The following RHBDD1 variants were observed in gnomAD, a reference collection of about 807,000 sequenced individuals.
RHBDD1 encodes rhomboid domain containing 1.
A neutral mutation model predicts 36.3 loss-of-function variants in RHBDD1; 38 were observed. The observed-to-expected ratio is 1.05, with a 90% CI of 0.81 to 1.37. The LOEUF is 1.37. RHBDD1 is among the 40% of genes most tolerant of loss of function. The pLI is 0.00. For synonymous variants in RHBDD1, 151 were observed against 136.5 expected (o/e 1.11, Z -0.74); for missense variants, 393 against 377.6 (o/e 1.04, Z -0.34).
the RHBDD1 span, among the ~76,000 whole-genome samples, chr2:226,821,053 C>A: frequency 0.18 from 27,306 of 151,966 alleles, 3,899 homozygotes; most frequent in African/African-American, 0.4. Flanking sequence ...TTTTTTCCAC[C>A]CAAAGCAGAA....
intron 8 of RHBDD1, among the ~76,000 whole-genome samples, chr2:226,972,606 G>A (rs1156979566): frequency 2.0e-5 from 3 of 152,180 alleles, no homozygotes; most frequent in African/African-American, 7.2e-5. Context: ...TCTGGGTCAA[G>A]GCAGGAGCTG....
At chr2:226,951,710 A>G (rs751231226) in intron 8 of RHBDD1, among the ~76,000 whole-genome samples, 1 of 152,246 alleles carries the variant, frequency 6.6e-6, no homozygotes, top group Non-Finnish European at 1.5e-5. Context: ...GAATTTAAAG[A>G]TGATGTTAAG....
intron 5 of RHBDD1, among the ~76,000 whole-genome samples, chr2:226,874,125 C>T (rs1237186342): frequency 6.6e-6 from 1 of 152,050 alleles, no homozygotes; most frequent in Non-Finnish European, 1.5e-5. Flanking sequence ...ACCCATGTTC[C>T]ACTCACCTCC....
At chr2:226,879,187 T>C (rs549371263) in intron 5 of RHBDD1, among the ~76,000 whole-genome samples, 12 of 152,290 alleles carry the variant, frequency 7.9e-5, no homozygotes, top group African/African-American at 2.9e-4. Context: ...GGGTGAAGTC[T>C]AAAATAAGTT....
intron 5 of RHBDD1, among the ~76,000 whole-genome samples, chr2:226,906,360 G>A (rs1028521963): frequency 5.9e-5 from 9 of 152,160 alleles, no homozygotes; most frequent in African/African-American, 2.2e-4. Context: ...GAAAACTGCA[G>A]CAGTCTGCCC....
At chr2:226,894,499 G>A (rs908723048) in intron 5 of RHBDD1, among the ~76,000 whole-genome samples, 4 of 152,180 alleles carry the variant, frequency 2.6e-5, no homozygotes, top group African/African-American at 9.7e-5. Context: ...TCGATCTCCT[G>A]ATGTCAAGTG....
intron 8 of RHBDD1, among the ~76,000 whole-genome samples, chr2:226,973,401 G>A (rs1185078828): frequency 6.6e-6 from 1 of 152,174 alleles, no homozygotes; most frequent in East Asian, 1.9e-4. Flanking sequence ...CTCATTATCT[G>A]GGAAAGTTGG....
intron 8 of RHBDD1, among the ~76,000 whole-genome samples, chr2:226,979,299 C>T (rs1002532616): frequency 1.3e-5 from 2 of 152,098 alleles, no homozygotes; most frequent in Non-Finnish European, 2.9e-5. Flanking sequence ...AAAGATAAGG[C>T]TTATGGACAC....
In RHBDD1 at chr2:226,998,441, C is replaced by G. The variant is rs141124889; in HGVS notation, c.*2919C>G. 2.0e-5 allele frequency: 3 copies of G among 152,288 alleles called. No homozygotes were observed. The highest frequency in any genetic ancestry group is 7.2e-5 in the African/African-American group (3 of 41,570). 9.4% of individuals were successfully genotyped at this position (152,288 alleles called of 1,614,324 possible). ...AGAATGGGGTAGCTGGCAGACCTGG[C>G]CTCCTTGTTCCCAGTCTTAGTTTTT... is the stretch of plus-strand genomic sequence containing the variant. On this transcript the variant is annotated 3_prime_UTR_variant, in exon 9 of 9. Transcript: ENST00000392062.
chr2:226,816,379 A>T, the RHBDD1 span, among the ~76,000 whole-genome samples: 1 of 146,054 alleles, frequency 6.8e-6, no homozygotes, highest in Admixed American at 6.7e-5. Flanking sequence ...TGGTGGCAAA[A>T]AAAAAAAAAA....
chr2:226,801,940 A>G, the RHBDD1 span, among the ~76,000 whole-genome samples: 3 of 152,126 alleles, frequency 2.0e-5, no homozygotes, highest in African/African-American at 7.2e-5. Flanking sequence ...GTAGTGGAGT[A>G]ATTAACATTT....
chr2:226,894,417 T>G (rs1946929994), intron 5 of RHBDD1, among the ~76,000 whole-genome samples: 1 of 152,042 alleles, frequency 6.6e-6, no homozygotes, highest in African/African-American at 2.4e-5. Flanking sequence ...TTTACAGGCG[T>G]GCACCACCAC....
chr2:226,814,933 A>G, the RHBDD1 span, among the ~76,000 whole-genome samples: 1 of 152,184 alleles, frequency 6.6e-6, no homozygotes, highest in Non-Finnish European at 1.5e-5. Context: ...ATGGAAGAGG[A>G]GCCCAGGGTC....
the RHBDD1 span, among the ~76,000 whole-genome samples, chr2:226,826,921 T>C: frequency 7.9e-5 from 12 of 152,210 alleles, no homozygotes; most frequent in African/African-American, 2.9e-4. Flanking sequence ...AAGATCATTA[T>C]AAGAATTTCT....
chr2:226,916,070 A>G (rs1948884941), intron 8 of RHBDD1, among the ~76,000 whole-genome samples: 1 of 152,192 alleles, frequency 6.6e-6, no homozygotes. Context: ...CTTATTCACC[A>G]GGCCACAGCA....
At chr2:226,813,179 T>C in the RHBDD1 span, among the ~76,000 whole-genome samples, 3 of 152,196 alleles carry the variant, frequency 2.0e-5, no homozygotes, top group African/African-American at 4.8e-5. Context: ...TGATATCCAA[T>C]AAAGACTCAA....
At chr2:226,924,886 T>G (rs950364075) in intron 8 of RHBDD1, among the ~76,000 whole-genome samples, 1 of 152,230 alleles carries the variant, frequency 6.6e-6, no homozygotes, top group Non-Finnish European at 1.5e-5. Context: ...AGGAGTGGCA[T>G]TGGCAATTCA....
At chr2:226,883,783 A>T (rs945287600) in intron 5 of RHBDD1, among the ~76,000 whole-genome samples, 1 of 152,220 alleles carries the variant, frequency 6.6e-6, no homozygotes, top group Non-Finnish European at 1.5e-5. Context: ...GAAAAGGCCT[A>T]TGTCATGGGT....
rs183505786 is a variant in RHBDD1 at position 226,981,080 on chromosome 2, G to C, written c.857-14351G>C. 3.3e-5 allele frequency among the ~76,000 whole-genome samples: 5 copies of C among 152,266 alleles called. No individual in the cohort carries two copies. In the East Asian group the frequency reaches 9.7e-4, roughly 29 times the overall value. Reference sequence around the variant, plus strand: ...CTGGATGGGCTTGTTTGTAAGAGATGTTAGGTTTCCATCACTCTGAGTAAA... The same window carrying C: ...CTGGATGGGCTTGTTTGTAAGAGATCTTAGGTTTCCATCACTCTGAGTAAA... On this transcript the variant is annotated intron_variant, in intron 8 of 8. Coordinates refer to ENST00000392062, the MANE Select transcript of RHBDD1 (RefSeq NM_001167608.3).
Sources: gnomAD v4.1 joint callset for allele counts (sites outside exome capture counted in the v4.1 genomes callset) on GRCh38, gnomAD v4.1.1 for gene constraint, MANE v1.5 for transcripts, NCBI Gene and HGNC (gene_info 2026-07-23, HGNC 2026-07-21) for gene names.